The following PCSK6 variants were observed in gnomAD, a reference collection of about 807,000 sequenced individuals.
The protein encoded by PCSK6 is paired basic amino acid cleaving enzyme 4.
A neutral mutation model predicts 123.3 loss-of-function variants in PCSK6; 85 were observed. That is an observed-to-expected ratio of 0.69 (90% confidence interval 0.58 to 0.83). The LOEUF (loss-of-function observed/expected upper bound fraction) is 0.83, where lower values mean the gene tolerates loss of function less well. Ranked by LOEUF, PCSK6 falls within the 40% of genes least tolerant of loss-of-function variation. PCSK6 has a pLI of 0.00. For synonymous variants in PCSK6, 508 were observed against 516.0 expected (o/e 0.98, Z 0.21); for missense variants, 1,191 against 1,282.3 (o/e 0.93, Z 1.09).
At position 101,444,156 on chromosome 15, in the gene PCSK6, T is replaced by C. The variant is rs149096715; in HGVS notation, c.298-496A>G. On this transcript the variant is annotated intron_variant, in intron 1 of 21. Coordinates refer to ENST00000611716, the MANE Select transcript of PCSK6 (RefSeq NM_002570.5). ...CAGCCAAAGAAAACACATGGATCCATCTGCTTGGGGATTGTGAAAGGGTCA... is the reference window on the plus strand; with the variant it reads ...CAGCCAAAGAAAACACATGGATCCACCTGCTTGGGGATTGTGAAAGGGTCA... Among the ~76,000 whole-genome samples the C allele has an allele frequency of 8.5e-5, 13 of 152,234 alleles. No homozygotes were observed. The East Asian group carries it at 1.4e-3, about 16-fold the overall frequency.
In PCSK6 at chr15:101,398,500, G is replaced by A. The variant is rs769102952; in HGVS notation, c.900C>T (p.Asp300=). 4.5e-5 allele frequency: 72 copies of A among 1,613,850 alleles called. No homozygotes were observed. In the South Asian group the frequency reaches 5.6e-4, roughly 13 times the overall value. ...CCGGCCCCCAGCTGGCACTGTAAAT[G>A]TCGATGTAGTTGGGTCTGATGCCCA... ...KSLGIRPNYI[D]IYSASWGPDD... is the part of the protein sequence containing the mutation. The change falls in exon 7 of 22, where the codon GAC becomes GAT. Residue 300 remains aspartate, a synonymous_variant. Transcript: ENST00000611716. This position sits in a 1 kb window ranked among gnomAD's most constrained non-coding sequence, Gnocchi z 4.6.
rs73483142 is a variant in PCSK6, at chr15:101,450,594, C to T, written c.298-6934G>A. ...TCTGGAACACAGAGGAGCTTGAAAT[C>T]TGCCTGATGAAATGAACAGACTTCT... On this transcript the variant is annotated intron_variant, in intron 1 of 21. Coordinates refer to ENST00000611716, the MANE Select transcript of PCSK6 (RefSeq NM_002570.5). Among the ~76,000 whole-genome samples the T allele has an allele frequency of 2.8e-3, 426 of 152,318 alleles. 4 individuals carry two copies. The highest frequency in any genetic ancestry group is 9.5e-3 in the African/African-American group (397 of 41,572).
intron 1 of PCSK6, among the ~76,000 whole-genome samples, chr15:101,483,195 T>A (rs1390002730): frequency 6.6e-6 from 1 of 152,204 alleles, no homozygotes; most frequent in African/African-American, 2.4e-5. Flanking sequence ...CTTCCGGGTC[T>A]CCCCTTGTCC....
intron 18 of PCSK6, among the ~76,000 whole-genome samples, chr15:101,320,171 C>T (rs185146879): frequency 3.3e-5 from 5 of 152,262 alleles, no homozygotes; most frequent in Admixed American, 1.3e-4. Flanking sequence ...CTGCAACCTC[C>T]GCCTCCCAGG....
intron 15 of PCSK6, among the ~76,000 whole-genome samples, chr15:101,330,332 T>G (rs1241323446): frequency 6.6e-6 from 1 of 152,228 alleles, no homozygotes; most frequent in Non-Finnish European, 1.5e-5. Flanking sequence ...TCTTGGCAAC[T>G]GCTCTCTTGC....
intron 13 of PCSK6, among the ~76,000 whole-genome samples, chr15:101,349,502 G>C (rs1268070893): frequency 2.0e-5 from 3 of 152,188 alleles, no homozygotes; most frequent in Non-Finnish European, 4.4e-5. Context: ...ATGGAGGCAG[G>C]TCTCTACCAG....
rs144284138 is a variant in PCSK6 at position 101,341,931 on chromosome 15, A to G, written c.1859-9900T>C. 6.2e-4 allele frequency among the ~76,000 whole-genome samples: 95 copies of G among 152,244 alleles called. 3 individuals carry two copies. The East Asian group carries it at 0.017, about 27-fold the overall frequency. ...GGTCACTTGAGGTCAGGAGTTCAAG[A>G]CCAGTCCGGCCAACATGGCGAAAAC... On this transcript the variant is annotated intron_variant, in intron 13 of 21. Transcript: ENST00000611716.
chr15:101,350,924 A>C (rs1283746140), intron 13 of PCSK6, among the ~76,000 whole-genome samples: 1 of 152,238 alleles, frequency 6.6e-6, no homozygotes, highest in Non-Finnish European at 1.5e-5. Context: ...CTGGTTGTTA[A>C]ACACAGTCTT....
chr15:101,459,561 C>G (rs914109080), intron 1 of PCSK6, among the ~76,000 whole-genome samples: 2 of 35,788 alleles, frequency 5.6e-5, no homozygotes, highest in Non-Finnish European at 1.1e-4. Flanking sequence ...CCGTCCCCCC[C>G]ACCATTCCTC....
intron 20 of PCSK6, chr15:101,308,449 T>G (rs956696201): frequency 6.6e-6 from 1 of 152,170 alleles, no homozygotes; most frequent in African/African-American, 2.4e-5. Context: ...TCTGATGGGG[T>G]CTGGTCTCAC....
At chr15:101,309,925 G>A (rs967996004) in intron 20 of PCSK6, among the ~76,000 whole-genome samples, 96 of 152,080 alleles carry the variant, frequency 6.3e-4, no homozygotes, top group Non-Finnish European at 1.0e-3. Context: ...TGTTCTCAGC[G>A]TCGGGCCTCG....
chr15:101,406,285 G>A (rs959515941), intron 6 of PCSK6, among the ~76,000 whole-genome samples: 5 of 152,162 alleles, frequency 3.3e-5, no homozygotes, highest in African/African-American at 1.2e-4. Flanking sequence ...GATAACGGCT[G>A]GAGGAAGGCA....
intron 19 of PCSK6, among the ~76,000 whole-genome samples, chr15:101,314,341 G>A (rs2039938209): frequency 6.6e-6 from 1 of 152,134 alleles, no homozygotes; most frequent in Non-Finnish European, 1.5e-5. Context: ...TGTCTCCAGG[G>A]AGCAACTGAT....
At chr15:101,371,304 G>T (rs577874631) in intron 11 of PCSK6, among the ~76,000 whole-genome samples, 5 of 152,232 alleles carry the variant, frequency 3.3e-5, no homozygotes, top group African/African-American at 1.2e-4. Context: ...GCTTCTCCTC[G>T]GTGGCATTTG....
At chr15:101,393,619 G>A (rs557628724) in intron 7 of PCSK6, among the ~76,000 whole-genome samples, 195 bp from the exon 8 acceptor site, 1 of 152,290 alleles carries the variant, frequency 6.6e-6, no homozygotes, top group East Asian at 1.9e-4. Flanking sequence ...TTTGCCTGTA[G>A]CAGCAGCCTT....
At chr15:101,371,040 C>A (rs1201790787) in intron 11 of PCSK6, among the ~76,000 whole-genome samples, 1 of 152,170 alleles carries the variant, frequency 6.6e-6, no homozygotes, top group Non-Finnish European at 1.5e-5. Flanking sequence ...GAAACCCTGT[C>A]TACTAAAAAT....
chr15:101,449,461 T>C (rs1372282923), intron 1 of PCSK6, among the ~76,000 whole-genome samples: 1 of 152,216 alleles, frequency 6.6e-6, no homozygotes, highest in Non-Finnish European at 1.5e-5. Context: ...TCCAGGTGTG[T>C]GTGTTTATGT....
At chr15:101,471,010 G>A (rs1026065054) in intron 1 of PCSK6, among the ~76,000 whole-genome samples, 4 of 152,242 alleles carry the variant, frequency 2.6e-5, no homozygotes, top group Non-Finnish European at 5.9e-5. Flanking sequence ...GGGTGTCTGC[G>A]GCTTATCTCT....
chr15:101,406,851 T>G (rs945739486), intron 6 of PCSK6, among the ~76,000 whole-genome samples: 1 of 152,142 alleles, frequency 6.6e-6, no homozygotes, highest in Non-Finnish European at 1.5e-5. Flanking sequence ...CCACTCCACC[T>G]CCTTCTACAG....
Sources: gnomAD v4.1 joint callset for allele counts (sites outside exome capture counted in the v4.1 genomes callset) on GRCh38, gnomAD v4.1.1 for gene constraint, Gnocchi (gnomAD v3.1) non-coding constraint, MANE v1.5 for transcripts, NCBI Gene and HGNC (gene_info 2026-07-23, HGNC 2026-07-21) for gene names.